AOAH: variants seen among roughly 807,000 people sequenced by gnomAD.
The protein encoded by AOAH is acyloxyacyl hydrolase (neutrophil).
Under a neutral mutation model 92.2 loss-of-function variants are expected in AOAH, and 64 were observed. The ratio of observed to expected loss-of-function variants is 0.69; its 90% CI spans 0.57 to 0.86. AOAH has a LOEUF of 0.86. Among genes scored for constraint, AOAH ranks in the 40% least tolerant of loss-of-function variants. AOAH has a pLI of 0.00. For synonymous variants in AOAH, 263 were observed against 254.5 expected (o/e 1.03, Z -0.32); for missense variants, 656 against 694.6 (o/e 0.94, Z 0.62).
Position 36,512,996 on chromosome 7 carries a change from T to G in AOAH, c.*256A>C. ...AGCTGTAAAGGGCACAGATACTCTC[T>G]TGTTTGGAATGGCACCCAAAGCACT... On this transcript the variant is annotated 3_prime_UTR_variant, in exon 21 of 21. Transcript: ENST00000617537. 1 of 1,478,268 alleles carries G rather than the reference T, an allele frequency of 6.8e-7. No homozygotes were observed. The highest frequency in any genetic ancestry group is 9.1e-7 in the Non-Finnish European group (1 of 1,098,700). 91.6% of individuals were successfully genotyped at this position (1,478,268 alleles called of 1,614,324 possible).
chr7:36,558,249 A>G (rs1185915637), intron 13 of AOAH, among the ~76,000 whole-genome samples: 1 of 152,060 alleles, frequency 6.6e-6, no homozygotes, highest in Non-Finnish European at 1.5e-5. Flanking sequence ...CTAGAAGTCC[A>G]CTCCAGACCC....
chr7:36,711,152 T>C (rs1383615534), intron 1 of AOAH, among the ~76,000 whole-genome samples: 2 of 152,126 alleles, frequency 1.3e-5, no homozygotes, highest in Non-Finnish European at 2.9e-5. Context: ...AAATCACTAG[T>C]AATGTCTTCA....
At chr7:36,707,256 A>T (rs1798478972) in intron 1 of AOAH, among the ~76,000 whole-genome samples, 1 of 152,024 alleles carries the variant, frequency 6.6e-6, no homozygotes, top group Non-Finnish European at 1.5e-5. Flanking sequence ...AGGGCAATGG[A>T]GAGGGGGAGA....
intron 3 of AOAH, among the ~76,000 whole-genome samples, chr7:36,668,426 T>G (rs1047324249): frequency 6.6e-6 from 1 of 152,232 alleles, no homozygotes; most frequent in African/African-American, 2.4e-5. Flanking sequence ...ATTCTCTGTA[T>G]CCACCTGTTT....
At chr7:36,557,539 T>C (rs1195452986) in intron 13 of AOAH, among the ~76,000 whole-genome samples, 1 of 152,252 alleles carries the variant, frequency 6.6e-6, no homozygotes, top group African/African-American at 2.4e-5. Flanking sequence ...CCTGCCTTGC[T>C]AGATTGGGGA....
chr7:36,586,693 T>G (rs1456496563), intron 12 of AOAH, among the ~76,000 whole-genome samples: 2 of 152,202 alleles, frequency 1.3e-5, no homozygotes, highest in East Asian at 3.8e-4. Context: ...AGCTTTTGCT[T>G]ATGTGAGTTA....
At chr7:36,632,735 G>C (rs1008252174) in intron 5 of AOAH, among the ~76,000 whole-genome samples, 1 of 152,240 alleles carries the variant, frequency 6.6e-6, no homozygotes, top group Non-Finnish European at 1.5e-5. Flanking sequence ...GGGTAGAAAA[G>C]TGAGGCACCA....
At chr7:36,617,059 G>C (rs762669759) in intron 10 of AOAH, among the ~76,000 whole-genome samples, 1 of 152,204 alleles carries the variant, frequency 6.6e-6, no homozygotes, top group Non-Finnish European at 1.5e-5. Flanking sequence ...TCAGTCACCT[G>C]TGAACTCATT....
chr7:36,654,579 C>A (rs17403213), intron 4 of AOAH, among the ~76,000 whole-genome samples: 1 of 152,038 alleles, frequency 6.6e-6, no homozygotes, highest in African/African-American at 2.4e-5. Context: ...CTTGCTTCTG[C>A]GCTATGAGCT....
At chr7:36,569,567 A>ATATC (rs56357618) in intron 13 of AOAH, among the ~76,000 whole-genome samples, 25,505 of 143,232 alleles carry the variant, frequency 0.18, 2,265 homozygotes, top group East Asian at 0.23. Context: ...CCAGATTTAC[A>ATATC]TATCTATCTA....
chr7:36,688,798 T>C lies in AOAH; in HGVS notation c.128-2004A>G, dbSNP rs187540097. Reference sequence around the variant, plus strand: ...GCAAGAGACTTTGAGTATATATATATACACACACACACACATATATTTATG... The same window carrying C: ...GCAAGAGACTTTGAGTATATATATACACACACACACACACATATATTTATG... On this transcript the variant is annotated intron_variant, in intron 1 of 20. Transcript: ENST00000617537. 5.6e-3 allele frequency among the ~76,000 whole-genome samples: 847 copies of C among 151,418 alleles called. 6 individuals carry two copies. Among genetic ancestry groups the C allele is most frequent in the African/African-American group, 0.018 (723 of 41,156 alleles).
At position 36,695,080 on chromosome 7, in the gene AOAH, T is replaced by C. The variant is rs188826602; in HGVS notation, c.128-8286A>G. On this transcript the variant is annotated intron_variant, in intron 1 of 20. Transcript: ENST00000617537. ...TGCCAAAATTTTCGCAATTGTTTCA[T>C]TGACTGTCTATTTAACTGTTCAAAT... Among the ~76,000 whole-genome samples, 774 of 152,020 alleles carry C rather than the reference T, an allele frequency of 5.1e-3. 11 individuals are homozygous for C. The highest frequency in any genetic ancestry group is 0.018 in the African/African-American group (727 of 41,298).
intron 2 of AOAH, among the ~76,000 whole-genome samples, chr7:36,678,596 T>TGC (rs1375924212): frequency 4.4e-4 from 61 of 138,094 alleles, no homozygotes; most frequent in Non-Finnish European, 7.3e-4. Context: ...TGTGTGTGTG[T>TGC]GTGTGCGCGC....
At position 36,594,397 on chromosome 7, in the gene AOAH, T is replaced by C; in HGVS notation, c.880A>G (p.Asn294Asp). ...GAGAGTTGGGGCCAGTCAAGCTCGT[T>C]GGTAAGGGCTGTTGGTAGATTGATG... ...SFINLPTALT[N>D]ELDWPQLSGA... Residue 294 changes from asparagine (N) to aspartate (D), a missense_variant, in exon 12 of 21, where the codon AAC (asparagine) becomes GAC (aspartate). Asn to Asp is a conservative substitution (Grantham distance 23). Coordinates refer to ENST00000617537, the MANE Select transcript of AOAH (RefSeq NM_001637.4). 1 of 1,614,032 alleles carries C rather than the reference T, an allele frequency of 6.2e-7. No homozygotes were observed. The highest frequency in any genetic ancestry group is 8.5e-7 in the Non-Finnish European group (1 of 1,179,916).
chr7:36,521,096 A>G (rs761500482), intron 20 of AOAH, among the ~76,000 whole-genome samples: 17 of 151,778 alleles, frequency 1.1e-4, no homozygotes, highest in Non-Finnish European at 1.5e-4. Context: ...ACCGTCATTC[A>G]GGCTCTTGAG....
chr7:36,525,968 C>G (rs534505368), intron 19 of AOAH, among the ~76,000 whole-genome samples: 27 of 152,260 alleles, frequency 1.8e-4, no homozygotes, highest in African/African-American at 5.3e-4. Flanking sequence ...ACTTGCCAAG[C>G]TTTGCGGGGG....
At chr7:36,562,188 G>T (rs546752347) in intron 13 of AOAH, among the ~76,000 whole-genome samples, 2 of 151,962 alleles carry the variant, frequency 1.3e-5, no homozygotes, top group Non-Finnish European at 2.9e-5. Context: ...CTGTTGTTTT[G>T]TTATCCTTTT....
chr7:36,707,838 T>C (rs1798522197), intron 1 of AOAH, among the ~76,000 whole-genome samples: 1 of 25,056 alleles, frequency 4.0e-5, no homozygotes, highest in Non-Finnish European at 8.9e-5. Context: ...ATGTTTTTCT[T>C]TTCTTTTCTT....
chr7:36,664,280 T>C (rs1218373045), intron 3 of AOAH, among the ~76,000 whole-genome samples: 2 of 152,192 alleles, frequency 1.3e-5, no homozygotes, highest in Non-Finnish European at 2.9e-5. Flanking sequence ...CCATTTTGAG[T>C]TCATTTTTGT....
Sources: gnomAD v4.1 joint callset for allele counts (sites outside exome capture counted in the v4.1 genomes callset) on GRCh38, gnomAD v4.1.1 for gene constraint, MANE v1.5 for transcripts, NCBI Gene and HGNC (gene_info 2026-07-23, HGNC 2026-07-21) for gene names.